Variants in RIPOR2 observed in about 807,000 individuals in gnomAD.
The protein encoded by RIPOR2 is RHO family interacting cell polarization regulator 2, also known as rho family-interacting cell polarization regulator 2.
In RIPOR2, 39 loss-of-function variants were observed where a neutral mutation model predicts 114.5. The ratio of observed to expected loss-of-function variants is 0.34; its 90% CI spans 0.26 to 0.44. RIPOR2 has a LOEUF of 0.44. Among genes scored for constraint, RIPOR2 ranks in the 20% least tolerant of loss-of-function variants. The probability of loss-of-function intolerance (pLI) is 1.00; values close to 1 mark genes in which losing one functional copy is unlikely to be tolerated. For missense variants in RIPOR2, 1,007 were observed against 1,255.1 expected (o/e 0.80, Z 2.99); for synonymous variants, 445 against 484.4 (o/e 0.92, Z 1.07).
intron 1 of RIPOR2, among the ~76,000 whole-genome samples, chr6:25,003,647 T>C (rs1044539762): frequency 6.6e-6 from 1 of 152,024 alleles, no homozygotes; most frequent in Non-Finnish European, 1.5e-5. Context: ...CCCAGTCTGG[T>C]CTCCACCTTC....
intron 21 of RIPOR2, among the ~76,000 whole-genome samples, chr6:24,809,417 C>T (rs926395998): frequency 3.3e-5 from 5 of 152,288 alleles, no homozygotes; most frequent in South Asian, 2.1e-4. Flanking sequence ...ATTGCCTTTG[C>T]TTTATGGTTT....
At chr6:24,983,910 G>A (rs532076765) in intron 1 of RIPOR2, among the ~76,000 whole-genome samples, 10 of 152,132 alleles carry the variant, frequency 6.6e-5, no homozygotes, top group South Asian at 6.2e-4. Context: ...GAAATATTAC[G>A]TGGGACTTCA....
chr6:24,896,571 A>G (rs1479087468), intron 1 of RIPOR2, among the ~76,000 whole-genome samples: 3 of 152,288 alleles, frequency 2.0e-5, no homozygotes, highest in South Asian at 2.1e-4. Flanking sequence ...AGTTATAGAG[A>G]CTACATAATA....
chr6:24,846,504 C>T (rs1415360014), intron 12 of RIPOR2, among the ~76,000 whole-genome samples: 2 of 151,992 alleles, frequency 1.3e-5, no homozygotes, highest in East Asian at 1.9e-4. Flanking sequence ...CGGGGTCTCA[C>T]TTTGTTGCCC....
intron 1 of RIPOR2, among the ~76,000 whole-genome samples, chr6:24,966,114 C>T (rs377027330): frequency 6.6e-6 from 1 of 152,136 alleles, no homozygotes; most frequent in East Asian, 1.9e-4. Flanking sequence ...GGCTCTGGTA[C>T]AATTTCTTCT....
At chr6:24,907,658 G>C (rs965317137) in intron 1 of RIPOR2, among the ~76,000 whole-genome samples, 3 of 152,300 alleles carry the variant, frequency 2.0e-5, no homozygotes, top group Admixed American at 6.5e-5. Flanking sequence ...ATGATGCATT[G>C]AGTGATTTTG....
chr6:24,828,455 C>T (rs1021062318), intron 17 of RIPOR2, among the ~76,000 whole-genome samples, 160 bp from the exon 18 acceptor site: 2 of 152,144 alleles, frequency 1.3e-5, no homozygotes, highest in African/African-American at 4.8e-5. Context: ...CCTCCTGCCT[C>T]AGTTTCCCAA....
At chr6:24,977,141 G>A (rs1336669556) in intron 1 of RIPOR2, among the ~76,000 whole-genome samples, 1 of 152,004 alleles carries the variant, frequency 6.6e-6, no homozygotes, top group Non-Finnish European at 1.5e-5. Flanking sequence ...TGCCTAGCTG[G>A]ATTGCAGAGT....
intron 1 of RIPOR2, chr6:24,929,262 A>T (rs953078704): frequency 6.6e-6 from 1 of 151,824 alleles, no homozygotes; most frequent in Non-Finnish European, 1.5e-5. Flanking sequence ...AGCACAAAGT[A>T]AAGATGGTTT....
intron 13 of RIPOR2, among the ~76,000 whole-genome samples, chr6:24,842,339 C>T (rs972439614): frequency 3.0e-4 from 45 of 152,040 alleles, no homozygotes; most frequent in African/African-American, 7.7e-4. Context: ...GTAGATCTCC[C>T]GCTCTAGAGT....
chr6:24,857,106 G>A (rs1229327492), intron 8 of RIPOR2, among the ~76,000 whole-genome samples: 22 of 152,114 alleles, frequency 1.4e-4, no homozygotes, highest in Admixed American at 4.6e-4. Context: ...CTTTTGTGCC[G>A]TGCTTCTTAA....
At chr6:25,040,147 C>T (rs1432663221) in intron 1 of RIPOR2, among the ~76,000 whole-genome samples, 2 of 146,918 alleles carry the variant, frequency 1.4e-5, no homozygotes, top group Non-Finnish European at 3.0e-5. Context: ...GATGGAGTTT[C>T]GCTCATCGCC....
intron 1 of RIPOR2, among the ~76,000 whole-genome samples, chr6:25,033,650 G>A (rs1424048384): frequency 6.6e-6 from 1 of 152,138 alleles, no homozygotes; most frequent in Non-Finnish European, 1.5e-5. Flanking sequence ...GCAACAAATA[G>A]GATTCTTTTT....
intron 1 of RIPOR2, among the ~76,000 whole-genome samples, chr6:25,013,575 A>AT (rs1164840444): frequency 2.6e-5 from 4 of 152,128 alleles, no homozygotes; most frequent in South Asian, 2.1e-4. Context: ...GAACACCTGA[A>AT]TTTTTTTTCA....
intron 1 of RIPOR2, chr6:25,023,522 G>T: frequency 1.3e-6 from 1 of 772,936 alleles, no homozygotes; most frequent in Non-Finnish European, 2.4e-6. Context: ...ATGCCAGAAA[G>T]CGGTGTACAC....
At chr6:25,002,393 C>T (rs571400758) in intron 1 of RIPOR2, among the ~76,000 whole-genome samples, 1 of 152,272 alleles carries the variant, frequency 6.6e-6, no homozygotes, top group South Asian at 2.1e-4. Flanking sequence ...AGGACTTATC[C>T]AAATGGTATG....
intron 1 of RIPOR2, among the ~76,000 whole-genome samples, chr6:24,969,553 T>G (rs2114235820): frequency 6.6e-6 from 1 of 152,334 alleles, no homozygotes; most frequent in Middle Eastern, 3.4e-3. Context: ...GAGTGGGGTG[T>G]GAGGCCCCAA....
chr6:25,001,609 A>G (rs2113648727), intron 1 of RIPOR2, among the ~76,000 whole-genome samples: 1 of 115,698 alleles, frequency 8.6e-6, no homozygotes, highest in Admixed American at 9.8e-5. Flanking sequence ...TGGGCGACAG[A>G]GCGAGACTTC....
chr6:25,029,057 G>A (rs1581980370), intron 1 of RIPOR2, among the ~76,000 whole-genome samples: 1 of 152,146 alleles, frequency 6.6e-6, no homozygotes, highest in Non-Finnish European at 1.5e-5. Context: ...GGGAGGCCGA[G>A]GCAGGTGGAT....
Sources: gnomAD v4.1 joint callset for allele counts (sites outside exome capture counted in the v4.1 genomes callset) on GRCh38, gnomAD v4.1.1 for gene constraint, MANE v1.5 for transcripts, NCBI Gene and HGNC (gene_info 2026-07-23, HGNC 2026-07-21) for gene names.